BCAR3: variants seen among roughly 807,000 people sequenced by gnomAD.
The protein encoded by BCAR3 is breast cancer anti-estrogen resistance protein 3.
Under a neutral mutation model 80.1 loss-of-function variants are expected in BCAR3, and 37 were observed. The observed-to-expected ratio is 0.46, with a 90% CI of 0.36 to 0.61. The LOEUF (loss-of-function observed/expected upper bound fraction) is 0.61. Ranked by LOEUF, BCAR3 falls within the 20% of genes least tolerant of loss-of-function variation. The pLI is 0.00. For synonymous variants in BCAR3, 389 were observed against 418.9 expected, an observed-to-expected ratio of 0.93 and a Z score of 0.87; for missense variants, 978 against 1,068.2, an observed-to-expected ratio of 0.92 and a Z score of 1.18.
intron 3 of BCAR3, among the ~76,000 whole-genome samples, chr1:93,638,379 A>G (rs76313039): frequency 0.023 from 3,467 of 152,252 alleles, 124 homozygotes; most frequent in African/African-American, 0.076. Context: ...TTAACATTTT[A>G]GCACTACTAT....
intron 1 of BCAR3, 135 bp downstream of exon 1, chr1:93,681,463 A>G (rs12079723): frequency 0.3 from 45,867 of 151,808 alleles, 10,488 homozygotes; most frequent in African/African-American, 0.65. Flanking sequence ...GGACCAACAA[A>G]CGCCGGCTCT....
intron 8 of BCAR3, among the ~76,000 whole-genome samples, chr1:93,575,368 C>T (rs1260527199): frequency 6.6e-6 from 1 of 152,196 alleles, no homozygotes; most frequent in East Asian, 1.9e-4. Context: ...GATATCTAGT[C>T]TAGAGCTTCT....
intron 2 of BCAR3, among the ~76,000 whole-genome samples, chr1:93,783,737 T>C (rs1451097650): frequency 1.3e-5 from 2 of 152,194 alleles, no homozygotes; most frequent in Non-Finnish European, 2.9e-5. Flanking sequence ...TACATACATA[T>C]GCGTTGTGGT....
chr1:93,727,449 A>G (rs546717301), intron 2 of BCAR3, among the ~76,000 whole-genome samples: 5 of 152,368 alleles, frequency 3.3e-5, no homozygotes, highest in Admixed American at 1.3e-4. Flanking sequence ...GGGATTCACC[A>G]TACTTCTTGT....
chr1:93,607,937 TC>T (rs1674827178), intron 3 of BCAR3, among the ~76,000 whole-genome samples: 1 of 152,004 alleles, frequency 6.6e-6, no homozygotes, highest in Non-Finnish European at 1.5e-5. Flanking sequence ...ACCTCTGTCT[TC>T]CCCCTCCTAG....
At chr1:93,662,352 C>T (rs768301482) in intron 2 of BCAR3, among the ~76,000 whole-genome samples, 2 of 152,220 alleles carry the variant, frequency 1.3e-5, no homozygotes, top group Non-Finnish European at 2.9e-5. Context: ...AAACCCCATA[C>T]TTTCATTTGT....
At position 93,582,755 on chromosome 1, in the gene BCAR3, G is replaced by A. The variant is rs141567715; in HGVS notation, c.1232C>T (p.Pro411Leu). 62 of 1,614,010 alleles carry A rather than the reference G, an allele frequency of 3.8e-5. No homozygotes were observed. Among genetic ancestry groups the A allele is most frequent in the Admixed American group, 1.0e-4 (6 of 60,000 alleles). The change falls in exon 7 of 12, where the codon CCG (proline) becomes CTG (leucine). Residue 411 changes from proline to leucine, a missense_variant. By Grantham distance (98) the Pro-to-Leu change is moderately conservative (BLOSUM62 -3). Transcript: ENST00000260502. ...GGGAGACGAGGGAACCTTGAGGAAC[G>A]GCACCTTGCAGGGCTTAGGCGGGGG... is the stretch of plus-strand genomic sequence containing the variant. The part of the protein sequence containing the change: ...PKPPPKPCKV[P>L]FLKVPSSPSA...
In BCAR3 at chr1:93,592,344, T is replaced by G; in HGVS notation, c.407A>C (p.Lys136Thr). The change falls in exon 4 of 12, where the codon AAG (lysine) becomes ACG (threonine). Residue 136 changes from lysine to threonine, a missense_variant. By Grantham distance (78) the Lys-to-Thr change is moderately conservative. Coordinates refer to ENST00000260502, the MANE Select transcript of BCAR3 (RefSeq NM_003567.4). This position sits in a 1 kb window ranked among gnomAD's most constrained non-coding sequence, Gnocchi z 4.8. ...IMDRTPEKLK[K>T]ELEEELLLSS... Reference sequence around the variant, plus strand: ...CAGGAGCAGCTCCTCCTCCAGCTCCTTCTTCAGTTTCTCGGGGGTCCTGTC... The same window carrying G: ...CAGGAGCAGCTCCTCCTCCAGCTCCGTCTTCAGTTTCTCGGGGGTCCTGTC... 6.2e-7 allele frequency: 1 copy of G among 1,608,450 alleles called. No individual in the cohort carries two copies. Among genetic ancestry groups the G allele is most frequent in the Non-Finnish European group, 8.5e-7 (1 of 1,179,728 alleles).
At chr1:93,630,187 C>T (rs144158042) in intron 3 of BCAR3, among the ~76,000 whole-genome samples, 1 of 152,282 alleles carries the variant, frequency 6.6e-6, no homozygotes, top group Non-Finnish European at 1.5e-5. Context: ...CAAAATATCT[C>T]ATATACACCT....
chr1:93,708,523 T>TC (rs1383164068), intron 2 of BCAR3, among the ~76,000 whole-genome samples: 1 of 152,182 alleles, frequency 6.6e-6, no homozygotes, highest in African/African-American at 2.4e-5. Flanking sequence ...GTCCATAAGT[T>TC]CTCTCCCCAG....
At chr1:93,737,308 C>T (rs1294565225) in intron 2 of BCAR3, among the ~76,000 whole-genome samples, 1 of 152,206 alleles carries the variant, frequency 6.6e-6, no homozygotes, top group East Asian at 1.9e-4. Flanking sequence ...GAAATAGGGT[C>T]TTTTGCAGGT....
chr1:93,760,869 A>C (rs564465323), intron 2 of BCAR3, among the ~76,000 whole-genome samples: 3 of 152,250 alleles, frequency 2.0e-5, no homozygotes, highest in East Asian at 3.9e-4. Flanking sequence ...CAAGGAATAG[A>C]GGTCTCTGAT....
In BCAR3 at chr1:93,576,130, C is replaced by T; in HGVS notation, c.1687-1G>A. On this transcript the variant is annotated splice_acceptor_variant, in intron 7 of 11. Transcript: ENST00000260502. LOFTEE classifies it high-confidence loss of function. The stretch of plus-strand genomic sequence containing the variant: ...CAGAGACTCCAAGTATCCTAGCAAC[C>T]TGTCAAGAGCCAAAGTTGAAATACA... 6.2e-7 allele frequency: 1 copy of T among 1,612,542 alleles called. No homozygotes were observed. The highest frequency in any genetic ancestry group is 8.5e-7 in the Non-Finnish European group (1 of 1,178,562).
chr1:93,592,408 C>T lies in BCAR3; in HGVS notation c.358-15G>A. The T allele has an allele frequency of 6.3e-7, 1 of 1,582,584 alleles. No homozygotes were observed. The highest frequency in any genetic ancestry group is 8.5e-7 in the Non-Finnish European group (1 of 1,170,934). ...TCCTTGGAGAACTGCAACACAGAGT[C>T]AACCATGAGCTCACCCTGCCCAGGC... On this transcript the variant is annotated splice_polypyrimidine_tract_variant and intron_variant, in intron 3 of 11. Coordinates refer to ENST00000260502, the MANE Select transcript of BCAR3 (RefSeq NM_003567.4). This position sits in a 1 kb window ranked among gnomAD's most constrained non-coding sequence, Gnocchi z 4.8.
At chr1:93,665,170 C>T (rs1385301514) in intron 2 of BCAR3, among the ~76,000 whole-genome samples, 1 of 152,090 alleles carries the variant, frequency 6.6e-6, no homozygotes, top group Non-Finnish European at 1.5e-5. Context: ...ACCCTTTAGG[C>T]AAAGGCAGAC....
At chr1:93,634,121 T>C (rs1170723657) in intron 3 of BCAR3, among the ~76,000 whole-genome samples, 2 of 152,260 alleles carry the variant, frequency 1.3e-5, no homozygotes, top group African/African-American at 4.8e-5. Flanking sequence ...TTTCAACCAT[T>C]TATTTGTTTT....
At chr1:93,702,402 A>G (rs1377080039) in intron 3 of BCAR3, among the ~76,000 whole-genome samples, 1 of 152,156 alleles carries the variant, frequency 6.6e-6, no homozygotes, top group Non-Finnish European at 1.5e-5. Flanking sequence ...CTGTTCCCCC[A>G]ACTTATCAGC....
At chr1:93,718,814 G>C (rs1199214974) in intron 2 of BCAR3, among the ~76,000 whole-genome samples, 4 of 143,580 alleles carry the variant, frequency 2.8e-5, no homozygotes, top group Non-Finnish European at 6.0e-5. Flanking sequence ...TCCCATTTCA[G>C]CCTCCCATGT....
Position 93,789,059 on chromosome 1 carries a change from G to A in BCAR3, c.-63+56508C>T, listed in dbSNP as rs115587331. ...CACTCAGGCTAGAGTGGAGTGGTGC[G>A]ATCCTAGCTCACTATAACCTCTTAC... On this transcript the variant is annotated intron_variant, in intron 2 of 13. Transcript: ENST00000370244. Among the ~76,000 whole-genome samples, 391 of 151,820 alleles carry A rather than the reference G, an allele frequency of 2.6e-3. 1 individual carries two copies. The highest frequency in any genetic ancestry group is 8.9e-3 in the African/African-American group (367 of 41,366).
Sources: allele counts gnomAD v4.1 joint callset (sites outside exome capture counted in the v4.1 genomes callset), GRCh38; gene constraint gnomAD v4.1.1; non-coding constraint Gnocchi (gnomAD v3.1); transcripts MANE v1.5; gene names NCBI Gene and HGNC (gene_info 2026-07-23, HGNC 2026-07-21).